Variants in FAP observed in about 807,000 individuals in gnomAD.
FAP encodes the protein fibroblast activation protein alpha.
In FAP, 110 loss-of-function variants were observed where a neutral mutation model predicts 126.5. The ratio of observed to expected loss-of-function variants is 0.87; its 90% CI spans 0.74 to 1.02. The LOEUF (loss-of-function observed/expected upper bound fraction) is 1.02. Among genes scored for constraint, FAP ranks in the 50% least tolerant of loss-of-function variants. The pLI is 0.00. For synonymous variants in FAP, 334 were observed against 297.3 expected (o/e 1.12, Z -1.27); for missense variants, 919 against 909.2 (o/e 1.01, Z -0.14).
At chr2:162,220,834 G>T (rs1314604192) in intron 6 of FAP, among the ~76,000 whole-genome samples, 4 of 152,302 alleles carry the variant, frequency 2.6e-5, no homozygotes, top group African/African-American at 9.6e-5. Flanking sequence ...TCATCTTGAA[G>T]ATTGTATTAA....
chr2:162,190,396 ACACACACACACACAC>A (rs1687996173), intron 17 of FAP, among the ~76,000 whole-genome samples: 1 of 147,484 alleles, frequency 6.8e-6, no homozygotes, highest in African/African-American at 2.5e-5. Flanking sequence ...TATTGTGTAT[ACACACACACACACAC>A]ACAAACACAC....
intron 12 of FAP, among the ~76,000 whole-genome samples, chr2:162,203,630 G>A (rs916833482): frequency 6.6e-6 from 1 of 152,144 alleles, no homozygotes; most frequent in African/African-American, 2.4e-5. Context: ...GCTAGCCACA[G>A]TTTTTAATGG....
chr2:162,198,178 C>T (rs919479417), intron 16 of FAP: 21 of 1,287,352 alleles, frequency 1.6e-5, no homozygotes, highest in African/African-American at 7.6e-5. Flanking sequence ...GCATTACTTA[C>T]GATGTTTTCC....
chr2:162,222,083 A>C (rs1174478458), intron 6 of FAP, among the ~76,000 whole-genome samples: 1 of 152,158 alleles, frequency 6.6e-6, no homozygotes, highest in Non-Finnish European at 1.5e-5. Context: ...TAGGCCATAA[A>C]GTTTACATAA....
rs530381224 is a variant in FAP at position 162,202,113 on chromosome 2, A to G, written c.1223+759T>C. ...TTCAGCTAATAGCTGGCAGATTTTC[A>G]GCACTAAGAGAGGATCCCTAGATGC... On this transcript the variant is annotated intron_variant, in intron 14 of 25. Transcript: ENST00000188790. Among the ~76,000 whole-genome samples the G allele has an allele frequency of 6.6e-5, 10 of 152,370 alleles. No individual in the cohort carries two copies. In the South Asian group the frequency reaches 2.1e-3, roughly 32 times the overall value.
intron 2 of FAP, among the ~76,000 whole-genome samples, chr2:162,230,908 A>C (rs1245978406): frequency 6.6e-6 from 1 of 152,164 alleles, no homozygotes; most frequent in Non-Finnish European, 1.5e-5. Context: ...CCTTGACTAC[A>C]AACTCACGGT....
intron 2 of FAP, 120 bp downstream of exon 2, chr2:162,242,788 A>G (rs1167386092): frequency 2.8e-6 from 2 of 715,262 alleles, no homozygotes; most frequent in African/African-American, 3.6e-5. Context: ...GTCTTCTTAG[A>G]AATAACAGAC....
intron 4 of FAP, among the ~76,000 whole-genome samples, chr2:162,224,873 G>T (rs184892906): frequency 6.6e-6 from 1 of 152,190 alleles, no homozygotes; most frequent in Non-Finnish European, 1.5e-5. Flanking sequence ...ATTCAAATGA[G>T]AGGATTATTG....
chr2:162,173,857 C>T, intron 22 of FAP, 70 bp from the exon 23 acceptor site: 1 of 1,014,138 alleles, frequency 9.9e-7, no homozygotes, highest in Non-Finnish European at 1.6e-6. Flanking sequence ...ACAAGACCTT[C>T]TAGTTTAATA....
intron 14 of FAP, 22 bp downstream of exon 14, chr2:162,202,850 T>G: frequency 1.3e-6 from 2 of 1,590,228 alleles, no homozygotes; most frequent in Non-Finnish European, 1.7e-6. Context: ...GAATGGTGCA[T>G]CGTGCTTCGT....
At chr2:162,197,642 A>T (rs1688304585) in intron 16 of FAP, 1 of 456,668 alleles carries the variant, frequency 2.2e-6, no homozygotes, top group Non-Finnish European at 4.4e-6. Flanking sequence ...AATGAGCTGC[A>T]GCTCAGGTTC....
chr2:162,185,236 G>T (rs987811112), intron 20 of FAP, among the ~76,000 whole-genome samples: 5 of 152,268 alleles, frequency 3.3e-5, no homozygotes, highest in African/African-American at 1.2e-4. Context: ...CTCTCATAAA[G>T]TTGGCCCAAG....
chr2:162,227,340 AT>A (rs972778315), intron 2 of FAP, among the ~76,000 whole-genome samples: 2 of 152,148 alleles, frequency 1.3e-5, no homozygotes, highest in African/African-American at 4.8e-5. Context: ...CCACAAACAA[AT>A]TCAATCTATA....
chr2:162,232,158 A>C (rs912580466), intron 2 of FAP, among the ~76,000 whole-genome samples: 2 of 152,184 alleles, frequency 1.3e-5, no homozygotes, highest in Non-Finnish European at 2.9e-5. Context: ...ACTCTGAAAA[A>C]AAAAGTACAT....
At chr2:162,194,330 AG>A (rs200580541) in intron 17 of FAP, 4,730 of 170,912 alleles carry the variant, frequency 0.028, 435 homozygotes, top group Admixed American at 0.2. Context: ...CCAATCCCTG[AG>A]GAAAAAAAAA....
intron 14 of FAP, among the ~76,000 whole-genome samples, chr2:162,202,117 C>T (rs1256627058): frequency 1.3e-5 from 2 of 152,178 alleles, no homozygotes; most frequent in African/African-American, 4.8e-5. Context: ...ATTTTCAGCA[C>T]TAAGAGAGGA....
intron 3 of FAP, among the ~76,000 whole-genome samples, chr2:162,226,045 G>A (rs867199974): frequency 6.6e-6 from 1 of 152,152 alleles, no homozygotes; most frequent in Admixed American, 6.5e-5. Flanking sequence ...CTATTTAGTT[G>A]ATCTCACTAT....
intron 6 of FAP, among the ~76,000 whole-genome samples, chr2:162,220,456 T>C (rs999911907): frequency 2.6e-5 from 4 of 152,242 alleles, no homozygotes; most frequent in Non-Finnish European, 4.4e-5. Flanking sequence ...CTCTTCTACA[T>C]TCTCATTCAC....
chr2:162,191,262 G>A (rs954577014), intron 17 of FAP, among the ~76,000 whole-genome samples: 4 of 152,072 alleles, frequency 2.6e-5, no homozygotes, highest in Admixed American at 6.6e-5. Context: ...CTTAGCTATC[G>A]AACTTTTCTG....
Sources: gnomAD v4.1 joint callset for allele counts (sites outside exome capture counted in the v4.1 genomes callset) on GRCh38, gnomAD v4.1.1 for gene constraint, MANE v1.5 for transcripts, NCBI Gene and HGNC (gene_info 2026-07-23, HGNC 2026-07-21) for gene names.